The following KIF19 variants were observed in gnomAD, a reference collection of about 807,000 sequenced individuals.
KIF19 encodes kinesin family member 19, also known as kinesin-like protein KIF19.
A neutral mutation model predicts 106.6 loss-of-function variants in KIF19; 98 were observed. The observed-to-expected ratio is 0.92, with a 90% CI of 0.78 to 1.09. The LOEUF (loss-of-function observed/expected upper bound fraction) is 1.09, where lower values mean the gene tolerates loss of function less well. Ranked by LOEUF, KIF19 falls within the 50% of genes least tolerant of loss-of-function variation. The pLI is 0.00. For missense variants in KIF19, 1,373 were observed against 1,414.3 expected (o/e 0.97, Z 0.47); for synonymous variants, 516 against 584.2 (o/e 0.88, Z 1.68).
At chr17:74,344,647 C>T in intron 6 of KIF19, 114 bp from the exon 7 acceptor site, 1 of 1,150,656 alleles carries the variant, frequency 8.7e-7, no homozygotes, top group Non-Finnish European at 1.2e-6. Context: ...CTCCAGCCTG[C>T]CCTTTCCCAA....
chr17:74,335,793 C>CG (rs199571245), intron 2 of KIF19, among the ~76,000 whole-genome samples: 1,577 of 152,312 alleles, frequency 0.01, 28 homozygotes, highest in African/African-American at 0.035. Flanking sequence ...ATGCATTCCC[C>CG]GGGGGGGCTG....
chr17:74,343,007 A>G lies in KIF19; in HGVS notation c.320-17A>G, dbSNP rs754784199. On this transcript the variant is annotated splice_polypyrimidine_tract_variant and intron_variant, in intron 4 of 19. Coordinates refer to ENST00000389916, the MANE Select transcript of KIF19 (RefSeq NM_153209.4). ...CCCAGCCCCACCCCGGTCACCCTCC[A>G]CCTTGTTCTGCCCCAGGCTGTGGGA... 3 of 1,517,064 alleles carry G rather than the reference A, an allele frequency of 2.0e-6. No individual in the cohort carries two copies. Among genetic ancestry groups the G allele is most frequent in the South Asian group, 2.3e-5 (2 of 86,164 alleles). The allele number at this position is 1,517,064 out of a possible 1,614,324, so 94.0% of individuals were successfully genotyped here.
intron 19 of KIF19, 58 bp from the exon 20 acceptor site, chr17:74,355,124 G>A: frequency 6.4e-7 from 1 of 1,553,876 alleles, no homozygotes; most frequent in Non-Finnish European, 8.7e-7. Flanking sequence ...CTGGGTGATG[G>A]GAGAGGAGTT....
At chr17:74,342,530 G>A (rs1311781834) in intron 3 of KIF19, 100 bp from the exon 4 acceptor site, 1 of 894,906 alleles carries the variant, frequency 1.1e-6, no homozygotes, top group Non-Finnish European at 1.8e-6. Flanking sequence ...TGGGGCTCCA[G>A]GGACAGAAAC....
intron 19 of KIF19, 63 bp downstream of exon 19, chr17:74,355,004 A>T: frequency 6.4e-7 from 1 of 1,556,438 alleles, no homozygotes; most frequent in Non-Finnish European, 8.7e-7. Context: ...AGCAGAGAAG[A>T]CACATTGCAT....
intron 2 of KIF19, among the ~76,000 whole-genome samples, chr17:74,338,709 A>G (rs553247476): frequency 2.3e-4 from 35 of 151,926 alleles, no homozygotes; most frequent in Admixed American, 1.0e-3. Context: ...GCACACGTAG[A>G]ATGCTGAGGG....
At chr17:74,342,977 TCCCTCCCAGCCCCACCCCGGTCAC>T in intron 4 of KIF19, 23 bp from the exon 5 acceptor site, 1 of 1,527,894 alleles carries the variant, frequency 6.5e-7, no homozygotes, top group Non-Finnish European at 8.8e-7. Context: ...CAGCAAGGCC[TCCCTCCCAGCCCCACCCCGGTCAC>T]CCTCCACCTT....
Position 74,354,567 on chromosome 17 carries a change from G to T in KIF19, c.2706+8G>T. 6.3e-7 allele frequency: 1 copy of T among 1,585,120 alleles called. No individual in the cohort carries two copies. Among genetic ancestry groups the T allele is most frequent in the Non-Finnish European group, 8.6e-7 (1 of 1,167,628 alleles). On this transcript the variant is annotated splice_region_variant and intron_variant, in intron 18 of 19. Coordinates refer to ENST00000389916, the MANE Select transcript of KIF19 (RefSeq NM_153209.4). ...GAGGTCACCGGGCAAGGGGTGAGGC[G>T]AGGCGCAGGGGTGGGTGTCTAGGCA...
Position 74,340,040 on chromosome 17 carries a change from C to T in KIF19, c.121-1836C>T, listed in dbSNP as rs77140040. On this transcript the variant is annotated intron_variant, in intron 2 of 19. Coordinates refer to ENST00000389916, the MANE Select transcript of KIF19 (RefSeq NM_153209.4). ...TGTTGAGCTCTTGGCACATGCCCAG[C>T]GCTGTGCCCAAGCACATTACACGTT... is the stretch of plus-strand genomic sequence containing the variant. Among the ~76,000 whole-genome samples the T allele has an allele frequency of 3.3e-4, 50 of 152,294 alleles. No homozygotes were observed. In the East Asian group the frequency reaches 8.7e-3, roughly 26 times the overall value.
Position 74,353,206 on chromosome 17 carries a change from C to G in KIF19, c.2125C>G (p.His709Asp). The G allele has an allele frequency of 1.3e-6, 2 of 1,585,742 alleles. No individual in the cohort carries two copies. The highest frequency in any genetic ancestry group is 1.7e-6 in the Non-Finnish European group (2 of 1,166,198). The change falls in exon 16 of 20, where the codon CAC (histidine) becomes GAC (aspartate). Residue 709 changes from histidine to aspartate, a missense_variant. Transcript: ENST00000389916. Reference sequence around the variant, plus strand: ...CTCTGCCAACTTCAGTGAAGGCCACCACGTGTTCAAGGCTGGTACTGGGGC... The same window carrying G: ...CTCTGCCAACTTCAGTGAAGGCCACGACGTGTTCAAGGCTGGTACTGGGGC... ...PPLSTESEGHHVFKAGTGAWQ... is the reference protein window; with the variant it reads ...PPLSTESEGHDVFKAGTGAWQ...
Position 74,349,165 on chromosome 17 carries a change from C to G in KIF19, c.1048-19C>G, listed in dbSNP as rs763960765. On this transcript the variant is annotated intron_variant, in intron 9 of 19. Coordinates refer to ENST00000389916, the MANE Select transcript of KIF19 (RefSeq NM_153209.4). ...CTGGGGTGACTGCATCCCCTCCGCT[C>G]CATACGTGTTCCCTGCAGGTGAAGC... 32 of 1,613,444 alleles carry G rather than the reference C, an allele frequency of 2.0e-5. No individual in the cohort carries two copies. The East Asian group carries it at 6.2e-4, about 31-fold the overall frequency.
chr17:74,353,850 C>T (rs572939246), intron 17 of KIF19, among the ~76,000 whole-genome samples: 15 of 152,262 alleles, frequency 9.9e-5, no homozygotes, highest in African/African-American at 3.4e-4. Flanking sequence ...TGTCCCCCCT[C>T]CCCCGCCGCC....
At position 74,355,370 on chromosome 17, in the gene KIF19, G is replaced by C; in HGVS notation, c.*58G>C. 3 of 1,502,686 alleles carry C rather than the reference G, an allele frequency of 2.0e-6. No homozygotes were observed. The highest frequency in any genetic ancestry group is 2.7e-6 in the Non-Finnish European group (3 of 1,124,772). 93.1% of individuals were successfully genotyped at this position (1,502,686 alleles called of 1,614,324 possible). A position where few individuals can be genotyped will look rare whatever the true frequency, so the allele number is the denominator to read the frequency against. On this transcript the variant is annotated 3_prime_UTR_variant, in exon 20 of 20. Coordinates refer to ENST00000389916, the MANE Select transcript of KIF19 (RefSeq NM_153209.4). ...CCAAGACTGAATGGGGTCTAGCAGG[G>C]CATGGGAGGTGGAGGCTGGGCAGAT... is the stretch of plus-strand genomic sequence containing the variant.
intron 2 of KIF19, among the ~76,000 whole-genome samples, chr17:74,341,659 C>T (rs2054376661): frequency 6.6e-6 from 1 of 152,176 alleles, no homozygotes; most frequent in Non-Finnish European, 1.5e-5. Flanking sequence ...GGCTCCGAGA[C>T]CTACCTCCAG....
At chr17:74,355,022 G>A (rs1247778459) in intron 19 of KIF19, 81 bp downstream of exon 19, 20 of 1,543,854 alleles carry the variant, frequency 1.3e-5, no homozygotes, top group South Asian at 8.4e-5. Flanking sequence ...CATTTCCTGC[G>A]CCTCTGGCTG....
intron 1 of KIF19, 100 bp downstream of exon 1, chr17:74,326,488 A>G: frequency 8.6e-7 from 1 of 1,166,534 alleles, no homozygotes. Context: ...CCCCACTGAG[A>G]GGACAGGCAA....
rs370212175 is a variant in KIF19 at position 74,344,972 on chromosome 17, G to A, written c.777+17G>A. 8 of 1,585,880 alleles carry A rather than the reference G, an allele frequency of 5.0e-6. 1 individual carries two copies. Among genetic ancestry groups the A allele is most frequent in the East Asian group, 4.5e-5 (2 of 44,166 alleles). ...GCCTCGCAGGTGAGGCTGGGACCTG[G>A]GCTGGGCAGAGGAGGGAGGGTTGAC... is the stretch of plus-strand genomic sequence containing the variant. On this transcript the variant is annotated intron_variant, in intron 7 of 19. Transcript: ENST00000389916.
chr17:74,349,441 G>A (rs768520240), intron 10 of KIF19, 92 bp downstream of exon 10: 35 of 1,340,544 alleles, frequency 2.6e-5, no homozygotes, highest in African/African-American at 1.2e-4. Flanking sequence ...ATCCAGAATC[G>A]GGCTCTTTCT....
intron 1 of KIF19, among the ~76,000 whole-genome samples, chr17:74,327,945 G>A (rs1487442347): frequency 2.6e-5 from 4 of 152,328 alleles, no homozygotes; most frequent in Non-Finnish European, 4.4e-5. Flanking sequence ...GGGGGTGGGC[G>A]CTCTAGGTGA....
Sources: gnomAD v4.1 joint callset for allele counts (sites outside exome capture counted in the v4.1 genomes callset) on GRCh38, gnomAD v4.1.1 for gene constraint, MANE v1.5 for transcripts, NCBI Gene and HGNC (gene_info 2026-07-23, HGNC 2026-07-21) for gene names.